Variants in TACC1 observed in about 807,000 individuals in gnomAD.
The protein encoded by TACC1 is transforming acidic coiled-coil containing protein 1.
A neutral mutation model predicts 84.4 loss-of-function variants in TACC1; 48 were observed. The observed-to-expected ratio is 0.57, with a 90% CI of 0.45 to 0.72. The LOEUF is 0.72. Ranked by LOEUF, TACC1 falls within the 30% of genes least tolerant of loss-of-function variation. The probability of loss-of-function intolerance (pLI) is 0.00; values close to 1 mark genes in which losing one functional copy is unlikely to be tolerated. For missense variants in TACC1, 920 were observed against 973.0 expected (o/e 0.95, Z 0.72); for synonymous variants, 372 against 376.3 (o/e 0.99, Z 0.13).
chr8:38,806,379 T>C (rs533488086), intron 2 of TACC1, among the ~76,000 whole-genome samples: 10 of 152,038 alleles, frequency 6.6e-5, no homozygotes, highest in Non-Finnish European at 1.3e-4. Flanking sequence ...GAAGAGAAAT[T>C]GGATGAACGA....
intron 2 of TACC1, among the ~76,000 whole-genome samples, chr8:38,800,826 CTT>C (rs201811577): frequency 2.0e-5 from 3 of 152,270 alleles, no homozygotes; most frequent in East Asian, 1.9e-4. Flanking sequence ...TACTGCCAAA[CTT>C]TTTCAAACTG....
intron 3 of TACC1, among the ~76,000 whole-genome samples, chr8:38,821,581 G>A (rs1826830411): frequency 6.6e-6 from 1 of 152,166 alleles, no homozygotes; most frequent in South Asian, 2.1e-4. Flanking sequence ...TTAAAACTGA[G>A]TAAATTAGTT....
At chr8:38,758,153 AT>A (rs995908897) in intron 3 of TACC1, among the ~76,000 whole-genome samples, 1 of 152,144 alleles carries the variant, frequency 6.6e-6, no homozygotes, top group Admixed American at 6.5e-5. Flanking sequence ...GTGTTTTGGA[AT>A]TGCAGCAGTG....
intron 3 of TACC1, among the ~76,000 whole-genome samples, chr8:38,768,067 T>TGAAGGAAGGAAG (rs72090925): frequency 6.2e-4 from 75 of 120,036 alleles, no homozygotes; most frequent in South Asian, 9.8e-4. Context: ...GACGCTGTCT[T>TGAAGGAAGGAAG]GAAGGAAGGA....
At position 38,850,560 on chromosome 8, in the gene TACC1, G is replaced by A; in HGVS notation, c.*2537G>A. 6.6e-6 allele frequency: 1 copy of A among 152,062 alleles called. No homozygotes were observed. The highest frequency in any genetic ancestry group is 1.9e-4 in the East Asian group (1 of 5,186). The allele number at this position is 152,062 out of a possible 1,614,324, so 9.4% of individuals were successfully genotyped here. On this transcript the variant is annotated 3_prime_UTR_variant, in exon 13 of 13. Coordinates refer to ENST00000317827, the MANE Select transcript of TACC1 (RefSeq NM_006283.3). ...TAATCCCAACACTGTGGAAGGCCGA[G>A]GCAGGAGGATCACTTGAGTCCAGGA... is the stretch of plus-strand genomic sequence containing the variant.
intron 6 of TACC1, among the ~76,000 whole-genome samples, chr8:38,832,540 C>T (rs1190170978): frequency 1.3e-5 from 2 of 152,130 alleles, no homozygotes; most frequent in African/African-American, 4.8e-5. Context: ...TCTATTTAAT[C>T]CATCATTCAC....
intron 3 of TACC1, among the ~76,000 whole-genome samples, chr8:38,749,882 G>A (rs1027016002): frequency 1.3e-5 from 2 of 152,054 alleles, no homozygotes; most frequent in Admixed American, 6.6e-5. Context: ...AAGCCACCGC[G>A]CCTGGCCAAT....
At chr8:38,822,652 G>A (rs1020101683) in intron 3 of TACC1, among the ~76,000 whole-genome samples, 5 of 151,940 alleles carry the variant, frequency 3.3e-5, no homozygotes, top group Admixed American at 6.5e-5. Context: ...CAAACACATG[G>A]TACAGCTATA....
At chr8:38,744,079 A>T (rs1807597277) in intron 2 of TACC1, 1 of 151,862 alleles carries the variant, frequency 6.6e-6, no homozygotes, top group South Asian at 2.1e-4. Context: ...TACAGATCAG[A>T]CTCCTTATTC....
chr8:38,759,857 C>G (rs1474231435), intron 3 of TACC1, among the ~76,000 whole-genome samples: 2 of 152,186 alleles, frequency 1.3e-5, no homozygotes, highest in Non-Finnish European at 2.9e-5. Flanking sequence ...CCAAGTTCTG[C>G]CTTGTTCAGA....
Position 38,819,744 on chromosome 8 carries a change from G to T in TACC1, c.500G>T (p.Gly167Val). 1 of 1,614,050 alleles carries T rather than the reference G, an allele frequency of 6.2e-7. No individual in the cohort carries two copies. Among genetic ancestry groups the T allele is most frequent in the Non-Finnish European group, 8.5e-7 (1 of 1,180,034 alleles). Reference sequence around the variant, plus strand: ...TCCACGGATATCTCGGCAGTCCTCGGAACAAAAGCAGCTCATGGCTGTGTA... The same window carrying T: ...TCCACGGATATCTCGGCAGTCCTCGTAACAAAAGCAGCTCATGGCTGTGTA... Reference protein sequence around the residue: ...KDSTDISAVLGTKAAHGCVTA... With the variant: ...KDSTDISAVLVTKAAHGCVTA... The change falls in exon 3 of 13, where the codon GGA becomes GTA. Residue 167 changes from glycine (G) to valine (V), a missense_variant. By Grantham distance (109) the Gly-to-Val change is moderately radical (BLOSUM62 -3). This residue lies in a region of TACC1 where 762 missense variants were observed against 747.3 expected (regional missense o/e 1.02). Coordinates refer to ENST00000317827, the MANE Select transcript of TACC1 (RefSeq NM_006283.3).
intron 3 of TACC1, among the ~76,000 whole-genome samples, chr8:38,822,204 C>G (rs1827001548): frequency 7.0e-6 from 1 of 141,956 alleles, no homozygotes; most frequent in Non-Finnish European, 1.5e-5. Context: ...ATGATTATGC[C>G]ATTGTACTCC....
chr8:38,762,234 A>T (rs542611496), intron 3 of TACC1, among the ~76,000 whole-genome samples: 26 of 152,268 alleles, frequency 1.7e-4, no homozygotes, highest in African/African-American at 6.0e-4. Context: ...GAACTTTTTC[A>T]GCATCCCAAA....
At chr8:38,737,852 A>C (rs1410219858) in intron 1 of TACC1, among the ~76,000 whole-genome samples, 2 of 150,992 alleles carry the variant, frequency 1.3e-5, no homozygotes, top group African/African-American at 2.4e-5. Flanking sequence ...CTCAGCCTCC[A>C]AAGTAGCTGG....
chr8:38,739,827 G>A (rs575788900), intron 1 of TACC1, among the ~76,000 whole-genome samples: 44 of 152,318 alleles, frequency 2.9e-4, no homozygotes, highest in African/African-American at 9.4e-4. Context: ...AAGCAGGACT[G>A]GATAATAGAG....
chr8:38,740,984 A>G (rs574718041), intron 1 of TACC1, among the ~76,000 whole-genome samples: 6 of 152,086 alleles, frequency 3.9e-5, no homozygotes, highest in Admixed American at 1.3e-4. Context: ...TAAAGTCACT[A>G]TATGGCCTCT....
At chr8:38,844,634 G>A (rs898405975) in intron 11 of TACC1, among the ~76,000 whole-genome samples, 1 of 151,824 alleles carries the variant, frequency 6.6e-6, no homozygotes, top group African/African-American at 2.4e-5. Flanking sequence ...TTATATATTA[G>A]GGACACCAGC....
chr8:38,826,129 C>T (rs866469484), intron 4 of TACC1, among the ~76,000 whole-genome samples: 4 of 152,046 alleles, frequency 2.6e-5, no homozygotes, highest in African/African-American at 9.7e-5. Flanking sequence ...TAATAGAGTT[C>T]AATTTAACAT....
rs903113226 is a variant in TACC1, at chr8:38,849,612, T to C, written c.*1589T>C. The C allele has an allele frequency of 2.0e-5, 3 of 152,314 alleles. No homozygotes were observed. Among genetic ancestry groups the C allele is most frequent in the Admixed American group, 2.0e-4 (3 of 15,288 alleles). 9.4% of individuals were successfully genotyped at this position (152,314 alleles called of 1,614,324 possible). ...TAAAAAATGAATTATTCTTTAGCAG[T>C]GTATTACTCACATGGGTGCAATCTT... On this transcript the variant is annotated 3_prime_UTR_variant, in exon 13 of 13. Transcript: ENST00000317827.
Sources: allele counts gnomAD v4.1 joint callset (sites outside exome capture counted in the v4.1 genomes callset), GRCh38; gene constraint gnomAD v4.1.1; regional missense constraint gnomAD v4.1.1; transcripts MANE v1.5; gene names NCBI Gene and HGNC (gene_info 2026-07-23, HGNC 2026-07-21).